Variants in RP1 observed in about 807,000 individuals in gnomAD.
The protein encoded by RP1 is RP1 axonemal microtubule associated, also known as oxygen-regulated protein 1.
In RP1, 16 loss-of-function variants were observed where a neutral mutation model predicts 14.8. The observed-to-expected ratio is 1.08, with a 90% CI of 0.73 to 1.65. The LOEUF (loss-of-function observed/expected upper bound fraction) is 1.65, where lower values mean the gene tolerates loss of function less well. Ranked by LOEUF, RP1 falls within the 40% of genes most tolerant of loss-of-function variation. The probability of loss-of-function intolerance (pLI) is 0.00; values close to 1 mark genes in which losing one functional copy is unlikely to be tolerated. For missense variants in RP1, 2,631 were observed against 2,535.0 expected (o/e 1.04, Z -0.81); for synonymous variants, 876 against 883.6 (o/e 0.99, Z 0.15).
chr8:54,639,750 A>G (rs7001303), intron 3 of RP1, among the ~76,000 whole-genome samples: 50,469 of 152,068 alleles, frequency 0.33, 9,228 homozygotes, highest in Middle Eastern at 0.47. Context: ...TTTGAAATCT[A>G]GAGCTGCAAG....
exon 20 of RP1, chr8:54,754,894 G>T (rs1162112502): frequency 6.6e-7 from 1 of 1,526,236 alleles, no homozygotes; most frequent in Non-Finnish European, 8.8e-7. Flanking sequence ...GATGTTGTCT[G>T]TGAGCTTCCT....
At chr8:54,655,793 G>A (rs912070025) in intron 5 of RP1, among the ~76,000 whole-genome samples, 1 of 152,052 alleles carries the variant, frequency 6.6e-6, no homozygotes, top group Non-Finnish European at 1.5e-5. Flanking sequence ...TGAGGTGGGA[G>A]GATCACTTCA....
At chr8:54,849,538 G>T in intron 25 of RP1, among the ~76,000 whole-genome samples, 1 of 152,176 alleles carries the variant, frequency 6.6e-6, no homozygotes, top group Non-Finnish European at 1.5e-5. Flanking sequence ...AGTAAGCAGA[G>T]ACTGAAGAAT....
intron 24 of RP1, among the ~76,000 whole-genome samples, chr8:54,809,677 AGC>A (rs1308421521): frequency 6.6e-6 from 1 of 152,222 alleles, no homozygotes; most frequent in African/African-American, 2.4e-5. Context: ...GGAAAAAAAT[AGC>A]ACTCGCTCCT....
At chr8:54,715,445 A>T (rs1343808514) in intron 15 of RP1, among the ~76,000 whole-genome samples, 2 of 152,232 alleles carry the variant, frequency 1.3e-5, no homozygotes, top group African/African-American at 4.8e-5. Flanking sequence ...ATGTAGTTAT[A>T]TTCAATTTTT....
At chr8:54,637,243 G>A (rs1355703468) in intron 3 of RP1, among the ~76,000 whole-genome samples, 2 of 152,128 alleles carry the variant, frequency 1.3e-5, no homozygotes, top group South Asian at 2.1e-4. Context: ...GTAATAGCTC[G>A]ATAGGACTGA....
chr8:54,860,316 G>C (rs1812315766), intron 27 of RP1, among the ~76,000 whole-genome samples: 1 of 152,042 alleles, frequency 6.6e-6, no homozygotes, highest in Non-Finnish European at 1.5e-5. Context: ...GTACGGGAGG[G>C]ACAATAGTGA....
chr8:54,590,032 C>T (rs1805013170), intron 1 of RP1, among the ~76,000 whole-genome samples: 1 of 152,184 alleles, frequency 6.6e-6, no homozygotes, highest in African/African-American at 2.4e-5. Context: ...ACCACATCAT[C>T]TGCCTTCCTT....
rs990957353 is a variant in RP1 at position 54,661,780 on chromosome 8, G to T, written c.1172-1919G>T. ...TATTATTATCCTACAGGTCCCTGAG[G>T]TTCTTTTTTTTAAAAAAGTATTTTT... is the stretch of plus-strand genomic sequence containing the variant. On this transcript the variant is annotated intron_variant, in intron 6 of 22. Transcript: ENST00000636932. Among the ~76,000 whole-genome samples the T allele has an allele frequency of 4.6e-5, 7 of 151,966 alleles. 1 individual carries two copies. Among genetic ancestry groups the T allele is most frequent in the Admixed American group, 3.9e-4 (6 of 15,256 alleles).
At chr8:54,607,828 T>C (rs1460482765) in intron 1 of RP1, among the ~76,000 whole-genome samples, 2 of 152,334 alleles carry the variant, frequency 1.3e-5, no homozygotes, top group African/African-American at 2.4e-5. Context: ...TCTGTGGGCA[T>C]AGGACCCTCT....
intron 28 of RP1, among the ~76,000 whole-genome samples, chr8:54,869,320 A>G (rs2129330998): frequency 6.6e-6 from 1 of 152,350 alleles, no homozygotes; most frequent in East Asian, 1.9e-4. Flanking sequence ...TGGAGAATAA[A>G]AAAGAATGTG....
chr8:54,648,181 A>G (rs1426979769), intron 3 of RP1, among the ~76,000 whole-genome samples: 1 of 152,192 alleles, frequency 6.6e-6, no homozygotes, highest in Non-Finnish European at 1.5e-5. Context: ...CTGTGAGTCA[A>G]TTAAACCTCT....
At chr8:54,721,647 C>T (rs1399651738) in intron 16 of RP1, among the ~76,000 whole-genome samples, 1 of 152,164 alleles carries the variant, frequency 6.6e-6, no homozygotes, top group Non-Finnish European at 1.5e-5. Flanking sequence ...AGCCATTCTT[C>T]TTTACAGCCC....
chr8:54,751,631 C>A (rs1039944033), intron 19 of RP1, among the ~76,000 whole-genome samples: 6 of 152,172 alleles, frequency 3.9e-5, no homozygotes, highest in Non-Finnish European at 1.5e-5. Flanking sequence ...AAACCAAGGT[C>A]TTTTAATTCA....
exon 4 of RP1, chr8:54,649,132 A>G (rs1385188039): frequency 1.3e-6 from 2 of 1,499,116 alleles, no homozygotes; most frequent in Non-Finnish European, 1.8e-6. Flanking sequence ...CAGGTTGGCC[A>G]TGAAGACATA....
Position 54,642,412 on chromosome 8 carries a change from C to G in RP1, c.788-6573C>G, listed in dbSNP as rs115327052. On this transcript the variant is annotated intron_variant, in intron 3 of 22. Coordinates refer to the RP1 transcript ENST00000636932. ...AACAATGTCTTCCTTCTCCCATCTC[C>G]AACTTCTAAACTTTATTTATAAAGG... Among the ~76,000 whole-genome samples, 1,162 of 152,230 alleles carry G rather than the reference C, an allele frequency of 7.6e-3. 20 individuals are homozygous for G. The highest frequency in any genetic ancestry group is 0.027 in the African/African-American group (1,103 of 41,560).
chr8:54,606,406 A>T (rs1805443724), intron 1 of RP1, among the ~76,000 whole-genome samples: 1 of 151,488 alleles, frequency 6.6e-6, no homozygotes, highest in Non-Finnish European at 1.5e-5. Context: ...TTCTGCCGAG[A>T]GATCTGCTGT....
exon 17 of RP1, chr8:54,726,345 T>G: frequency 1.3e-6 from 2 of 1,518,238 alleles, no homozygotes; most frequent in Non-Finnish European, 1.8e-6. Context: ...TTAATTTCAG[T>G]TGGCAGAGAA....
At chr8:54,748,934 A>G (rs1197109594) in intron 19 of RP1, among the ~76,000 whole-genome samples, 4 of 152,088 alleles carry the variant, frequency 2.6e-5, no homozygotes, top group Non-Finnish European at 5.9e-5. Context: ...ATCCTAATAT[A>G]TTCTTTGTGT....
Sources: gnomAD v4.1 joint callset for allele counts (sites outside exome capture counted in the v4.1 genomes callset) on GRCh38, gnomAD v4.1.1 for gene constraint, MANE v1.5 for transcripts, NCBI Gene and HGNC (gene_info 2026-07-23, HGNC 2026-07-21) for gene names.